REEP1: variants seen among roughly 807,000 people sequenced by gnomAD.
REEP1 encodes the protein receptor accessory protein 1.
REEP1 carries 22 observed loss-of-function variants against 40.3 expected under a neutral mutation model. The observed-to-expected ratio is 0.55, with a 90% CI of 0.39 to 0.78. The LOEUF is 0.78. REEP1 is among the 30% of genes least tolerant of loss of function. The pLI, the probability that REEP1 is intolerant of heterozygous loss-of-function variation, is 0.00. For missense variants in REEP1, 280 were observed against 361.1 expected (o/e 0.78, Z 1.82); for synonymous variants, 116 against 139.2 (o/e 0.83, Z 1.17).
At chr2:86,337,726 C>A, upstream of REEP1, 1 of 928,490 alleles carries the variant, frequency 1.1e-6, no homozygotes, top group Non-Finnish European at 1.3e-6. This position sits in a 1 kb window ranked among gnomAD's most constrained non-coding sequence, Gnocchi z 5.8. Flanking sequence ...GCTCGGCGGG[C>A]CCGCAGCGAT....
intron 7 of REEP1, among the ~76,000 whole-genome samples, chr2:86,226,194 C>T (rs2104000358): frequency 6.6e-6 from 1 of 150,594 alleles, no homozygotes; most frequent in African/African-American, 2.4e-5. Flanking sequence ...GGCCCTTTCA[C>T]AGCCACTTTC....
intron 5 of REEP1, among the ~76,000 whole-genome samples, chr2:86,240,761 T>A (rs1675626757): frequency 6.6e-6 from 1 of 152,220 alleles, no homozygotes; most frequent in African/African-American, 2.4e-5. Context: ...ATCCTAGATA[T>A]GCCACGTGGC....
At position 86,337,449 on chromosome 2, in the gene REEP1, C is replaced by G; in HGVS notation, c.32+30G>C. The G allele has an allele frequency of 8.2e-7, 1 of 1,221,002 alleles. No individual in the cohort carries two copies. Among genetic ancestry groups the G allele is most frequent in the Non-Finnish European group, 1.0e-6 (1 of 974,792 alleles). The allele number at this position is 1,221,002 out of a possible 1,614,324, so 75.6% of individuals were successfully genotyped here. A position where few individuals can be genotyped will look rare whatever the true frequency, so the allele number is the denominator to read the frequency against. ...GGGCCGGGGGCGGGGAGGGAGGGGA[C>G]GGAGGGGCGCGGGGGAGAAGGCCAC... On this transcript the variant is annotated intron_variant, in intron 1 of 8. Transcript: ENST00000538924. The surrounding 1 kb of genome is among the most constrained non-coding windows in gnomAD (Gnocchi z 5.8).
chr2:86,240,714 G>A (rs1459355057), intron 5 of REEP1, among the ~76,000 whole-genome samples: 1 of 152,184 alleles, frequency 6.6e-6, no homozygotes, highest in Non-Finnish European at 1.5e-5. Flanking sequence ...TGAGAGGTGA[G>A]CAGTGTGAAG....
rs1454996470 is a variant in REEP1, at chr2:86,288,506, T to C, written c.33-6264A>G. 3.3e-5 allele frequency among the ~76,000 whole-genome samples: 5 copies of C among 152,324 alleles called. No individual in the cohort carries two copies. The East Asian group carries it at 9.6e-4, about 29-fold the overall frequency. ...TGTACCACTTTACTATATGAACATA[T>C]TATAGTTTATTCTGTTGATGCATAC... On this transcript the variant is annotated intron_variant, in intron 1 of 8. Coordinates refer to ENST00000538924, the MANE Select transcript of REEP1 (RefSeq NM_001371279.1).
rs780164134 is a variant in REEP1, at chr2:86,217,018, G to C, written c.*21C>G. On this transcript the variant is annotated 3_prime_UTR_variant, in exon 9 of 9. Transcript: ENST00000538924. ...CAGAGAAGAAACATTCTGTGGATCC[G>C]GTGCTGTTGGCTCATCTCACTCACG... 4.4e-6 allele frequency: 7 copies of C among 1,602,062 alleles called. No individual in the cohort carries two copies. The highest frequency in any genetic ancestry group is 6.0e-6 in the Non-Finnish European group (7 of 1,169,218).
At chr2:86,268,847 A>T (rs1411617069) in intron 2 of REEP1, among the ~76,000 whole-genome samples, 1 of 152,230 alleles carries the variant, frequency 6.6e-6, no homozygotes, top group Non-Finnish European at 1.5e-5. Context: ...TTGATCCTTG[A>T]CAAAGGAGCA....
At chr2:86,249,184 C>T (rs1207129519) in intron 5 of REEP1, among the ~76,000 whole-genome samples, 5 of 151,530 alleles carry the variant, frequency 3.3e-5, no homozygotes. Context: ...TGCTTGAACC[C>T]GGGAGGCAGA....
intron 4 of REEP1, among the ~76,000 whole-genome samples, chr2:86,253,019 C>T (rs975194299): frequency 1.1e-4 from 17 of 152,208 alleles, no homozygotes; most frequent in African/African-American, 3.6e-4. Context: ...CAGTGGCTCA[C>T]GCCTGTAATC....
chr2:86,291,900 C>T (rs10188530), intron 1 of REEP1, among the ~76,000 whole-genome samples: 6,588 of 152,256 alleles, frequency 0.043, 488 homozygotes, highest in African/African-American at 0.15. Context: ...AAGTCTGATG[C>T]AAGCAGGAAC....
At chr2:86,223,238 G>A (rs1674518464) in intron 7 of REEP1, among the ~76,000 whole-genome samples, 2 of 152,202 alleles carry the variant, frequency 1.3e-5, no homozygotes, top group Admixed American at 1.3e-4. Flanking sequence ...TGTCAGCAGG[G>A]CTACAGCAGC....
chr2:86,225,090 G>T (rs1674614156), intron 7 of REEP1, among the ~76,000 whole-genome samples: 2 of 152,178 alleles, frequency 1.3e-5, no homozygotes, highest in African/African-American at 4.8e-5. Context: ...TGTCCACCAG[G>T]CCAGCGTCTA....
At chr2:86,252,762 A>G (rs1014704708) in intron 4 of REEP1, among the ~76,000 whole-genome samples, 10 of 152,226 alleles carry the variant, frequency 6.6e-5, no homozygotes, top group African/African-American at 2.4e-4. Flanking sequence ...AGAAATGAGT[A>G]TTACTGGATA....
In REEP1 at chr2:86,232,750, G is replaced by T. The variant is rs778360930; in HGVS notation, c.470C>A (p.Thr157Asn). The change falls in exon 6 of 9, where the codon ACC (threonine) becomes AAC (asparagine). Residue 157 changes from threonine (T) to asparagine (N), a missense_variant. Physicochemically the swap from Thr to Asn is moderately conservative, Grantham distance 65. Transcript: ENST00000538924. ...AGGGGCGCCGTCTCCCCTGATGGTG[G>T]TGAGGTCCTGCATGCTGAAGCTCCG... ...RLRSFSMQDL[T>N]TIRGDGAPAP... The T allele has an allele frequency of 1.2e-6, 2 of 1,606,660 alleles. No homozygotes were observed. The highest frequency in any genetic ancestry group is 1.7e-5 in the Admixed American group (1 of 59,996).
At chr2:86,312,024 G>A (rs531774816) in intron 1 of REEP1, among the ~76,000 whole-genome samples, 1 of 152,264 alleles carries the variant, frequency 6.6e-6, no homozygotes, top group Non-Finnish European at 1.5e-5. Context: ...ATTTGCCAAT[G>A]CAGCCCTCTC....
chr2:86,268,768 A>C (rs1677281540), intron 2 of REEP1, among the ~76,000 whole-genome samples: 1 of 152,234 alleles, frequency 6.6e-6, no homozygotes, highest in Non-Finnish European at 1.5e-5. Flanking sequence ...CAACTGGTAA[A>C]AAAATAAACA....
chr2:86,218,840 T>C (rs1013422664), intron 8 of REEP1, among the ~76,000 whole-genome samples: 1 of 152,278 alleles, frequency 6.6e-6, no homozygotes, highest in South Asian at 2.1e-4. Flanking sequence ...TCCTAACAAA[T>C]AAGAATGCTA....
chr2:86,254,608 T>C, intron 4 of REEP1, 86 bp downstream of exon 4: 1 of 1,435,914 alleles, frequency 7.0e-7, no homozygotes, highest in African/African-American at 1.4e-5. Flanking sequence ...AAATGAGAAG[T>C]CTCCTGCAAT....
At chr2:86,272,376 C>T (rs141544701) in intron 2 of REEP1, among the ~76,000 whole-genome samples, 2 of 152,208 alleles carry the variant, frequency 1.3e-5, no homozygotes, top group African/African-American at 4.8e-5. Flanking sequence ...GGGGCCTCCA[C>T]TTTGTAACAT....
Sources: gnomAD v4.1 joint callset for allele counts (sites outside exome capture counted in the v4.1 genomes callset) on GRCh38, gnomAD v4.1.1 for gene constraint, Gnocchi (gnomAD v3.1) non-coding constraint, MANE v1.5 for transcripts, NCBI Gene and HGNC (gene_info 2026-07-23, HGNC 2026-07-21) for gene names.